LRRC4C: variants seen among roughly 807,000 people sequenced by gnomAD.
LRRC4C encodes the protein leucine rich repeat containing 4C, also known as leucine-rich repeat-containing protein 4C.
Under a neutral mutation model 33.6 loss-of-function variants are expected in LRRC4C, and 5 were observed. That is an observed-to-expected ratio of 0.15 (90% CI 0.08 to 0.31). LRRC4C has a LOEUF of 0.31. LRRC4C is among the 10% of genes least tolerant of loss of function. LRRC4C has a pLI of 1.00. For synonymous variants in LRRC4C, 329 were observed against 302.0 expected (o/e 1.09, Z -0.93); for missense variants, 560 against 796.7 (o/e 0.70, Z 3.58).
intron 3 of LRRC4C, among the ~76,000 whole-genome samples, chr11:40,447,769 C>T (rs1951704936): frequency 6.6e-6 from 1 of 152,120 alleles, no homozygotes; most frequent in Admixed American, 6.6e-5. Flanking sequence ...CACTGTAGAG[C>T]TTAACTGCCA....
Position 40,314,310 on chromosome 11 carries a change from G to A in LRRC4C, c.-176+5318C>T, listed in dbSNP as rs367551007. ...AATACATGAAAAAATGTTCATCCTC[G>A]CTAATCATCAGGGAAATGCCAATTA... On this transcript the variant is annotated intron_variant, in intron 4 of 6. Coordinates refer to ENST00000528697, the MANE Select transcript of LRRC4C (RefSeq NM_001258419.2). 4.0e-4 allele frequency among the ~76,000 whole-genome samples: 61 copies of A among 152,000 alleles called. 1 individual carries two copies. Among genetic ancestry groups the A allele is most frequent in the Admixed American group, 5.2e-4 (8 of 15,282 alleles).
At chr11:40,802,292 C>G (rs1227440700) in intron 2 of LRRC4C, among the ~76,000 whole-genome samples, 1 of 151,940 alleles carries the variant, frequency 6.6e-6, no homozygotes, top group African/African-American at 2.4e-5. Flanking sequence ...TTCAAGGAAG[C>G]CAGTTTAGTT....
At chr11:40,336,381 T>A (rs372482269) in intron 3 of LRRC4C, among the ~76,000 whole-genome samples, 1 of 152,136 alleles carries the variant, frequency 6.6e-6, no homozygotes, top group African/African-American at 2.4e-5. Flanking sequence ...CCATTGATTC[T>A]CCTCTCTTCC....
intron 3 of LRRC4C, among the ~76,000 whole-genome samples, chr11:40,444,596 A>C (rs1181753800): frequency 6.6e-6 from 1 of 152,146 alleles, no homozygotes; most frequent in South Asian, 2.1e-4. Context: ...TTATTTGCCT[A>C]ATTTTTTTCT....
chr11:40,232,879 A>G (rs1325205222), intron 5 of LRRC4C, among the ~76,000 whole-genome samples: 1 of 152,072 alleles, frequency 6.6e-6, no homozygotes, highest in Non-Finnish European at 1.5e-5. Context: ...ATTCTTTCCT[A>G]CTTCCAAGCC....
intron 3 of LRRC4C, among the ~76,000 whole-genome samples, chr11:40,473,249 C>A (rs1953033608): frequency 6.6e-6 from 1 of 152,166 alleles, no homozygotes; most frequent in African/African-American, 2.4e-5. Context: ...AAAAGCTTAT[C>A]CACTACGATC....
At chr11:41,178,409 GATCATGTA>G (rs1038889696) in intron 1 of LRRC4C, among the ~76,000 whole-genome samples, 1 of 152,118 alleles carries the variant, frequency 6.6e-6, no homozygotes, top group Non-Finnish European at 1.5e-5. Context: ...AGGATGGCGT[GATCATGTA>G]ATCATAGCTC....
At chr11:40,229,751 T>G (rs1865069395) in intron 5 of LRRC4C, among the ~76,000 whole-genome samples, 1 of 152,226 alleles carries the variant, frequency 6.6e-6, no homozygotes, top group South Asian at 2.1e-4. Flanking sequence ...CTGATTTATT[T>G]TCTTTTTAAA....
At chr11:40,329,341 C>T (rs1182513246) in intron 3 of LRRC4C, among the ~76,000 whole-genome samples, 1 of 152,168 alleles carries the variant, frequency 6.6e-6, no homozygotes. Flanking sequence ...AATGCCAGTG[C>T]ACATAGCTAA....
intron 1 of LRRC4C, among the ~76,000 whole-genome samples, chr11:41,139,438 A>G (rs1399167817): frequency 1.3e-5 from 2 of 152,240 alleles, no homozygotes; most frequent in African/African-American, 4.8e-5. Context: ...GCTATGAGCA[A>G]AATGGAAGGC....
chr11:40,703,313 G>T (rs770960545), intron 2 of LRRC4C, among the ~76,000 whole-genome samples: 8 of 152,018 alleles, frequency 5.3e-5, no homozygotes, highest in Non-Finnish European at 1.0e-4. Flanking sequence ...TAAATTCAAA[G>T]AAATGGTCAA....
At chr11:40,710,076 GTT>G in intron 2 of LRRC4C, among the ~76,000 whole-genome samples, 1 of 152,190 alleles carries the variant, frequency 6.6e-6, no homozygotes, top group Middle Eastern at 3.4e-3. Context: ...GTTTATTCTA[GTT>G]AGCTATTCGT....
intron 1 of LRRC4C, among the ~76,000 whole-genome samples, chr11:41,410,345 TG>T (rs749778313): frequency 6.6e-5 from 10 of 152,250 alleles, no homozygotes; most frequent in Admixed American, 3.9e-4. Context: ...AGTAGAAGTA[TG>T]TTTCTCTTAA....
At chr11:40,137,163 CGTGT>C (rs3039962) in intron 6 of LRRC4C, among the ~76,000 whole-genome samples, 283 of 147,756 alleles carry the variant, frequency 1.9e-3, no homozygotes, top group Middle Eastern at 3.5e-3. Context: ...CACGTGGGCA[CGTGT>C]GTGTGTGTGT....
At chr11:40,139,252 T>C (rs1857198579) in intron 6 of LRRC4C, among the ~76,000 whole-genome samples, 1 of 152,128 alleles carries the variant, frequency 6.6e-6, no homozygotes, top group African/African-American at 2.4e-5. Flanking sequence ...CCAATAAATG[T>C]CAGTTAAACT....
At chr11:40,235,908 A>G (rs1342701528) in intron 5 of LRRC4C, among the ~76,000 whole-genome samples, 1 of 152,108 alleles carries the variant, frequency 6.6e-6, no homozygotes, top group Non-Finnish European at 1.5e-5. Flanking sequence ...TTTTTACTCA[A>G]TTGCCTATGC....
chr11:40,895,035 T>C (rs1196650345), intron 2 of LRRC4C, among the ~76,000 whole-genome samples: 1 of 152,154 alleles, frequency 6.6e-6, no homozygotes, highest in Non-Finnish European at 1.5e-5. Flanking sequence ...TGATAGCTAA[T>C]TTCTAATATT....
chr11:40,889,187 C>T (rs764298497), intron 2 of LRRC4C, among the ~76,000 whole-genome samples: 1 of 151,996 alleles, frequency 6.6e-6, no homozygotes, highest in Non-Finnish European at 1.5e-5. Flanking sequence ...TAGATATGTT[C>T]AGGAATATCC....
chr11:40,277,709 A>T (rs904099819), intron 4 of LRRC4C, among the ~76,000 whole-genome samples: 2 of 152,084 alleles, frequency 1.3e-5, no homozygotes, highest in African/African-American at 4.8e-5. Flanking sequence ...CATTGAGCTT[A>T]TTTGAGCTTC....
Sources: gnomAD v4.1 joint callset for allele counts (sites outside exome capture counted in the v4.1 genomes callset) on GRCh38, gnomAD v4.1.1 for gene constraint, MANE v1.5 for transcripts, NCBI Gene and HGNC (gene_info 2026-07-23, HGNC 2026-07-21) for gene names.